METTL6: variants seen among roughly 807,000 people sequenced by gnomAD.
METTL6 encodes methyltransferase 6, tRNA N3-cytidine, also known as tRNA N(3)-cytidine methyltransferase METTL6.
METTL6 carries 22 observed loss-of-function variants against 26.4 expected under a neutral mutation model. The ratio of observed to expected loss-of-function variants is 0.83; its 90% CI spans 0.59 to 1.19. The LOEUF (loss-of-function observed/expected upper bound fraction) is 1.19, where lower values mean the gene tolerates loss of function less well. Ranked by LOEUF, METTL6 falls within the 50% of genes most tolerant of loss-of-function variation. The probability of loss-of-function intolerance (pLI) is 0.00; values close to 1 mark genes in which losing one functional copy is unlikely to be tolerated. For synonymous variants in METTL6, 109 were observed against 116.2 expected, an observed-to-expected ratio of 0.94 and a Z score of 0.40; for missense variants, 304 against 324.8, an observed-to-expected ratio of 0.94 and a Z score of 0.49.
chr3:15,395,721 C>T (rs1699469463), intron 6 of METTL6, among the ~76,000 whole-genome samples: 1 of 151,916 alleles, frequency 6.6e-6, no homozygotes, highest in South Asian at 2.1e-4. Context: ...TCAGCATTTG[C>T]TTGTCTGTAT....
At chr3:15,399,808 A>C (rs566618362) in intron 6 of METTL6, among the ~76,000 whole-genome samples, 3 of 152,202 alleles carry the variant, frequency 2.0e-5, no homozygotes, top group African/African-American at 7.2e-5. Context: ...GGGGCTCAGA[A>C]CACCACCCCA....
chr3:15,405,993 GTA>G (rs1340304451), downstream of METTL6, among the ~76,000 whole-genome samples: 1 of 151,790 alleles, frequency 6.6e-6, no homozygotes, highest in African/African-American at 2.4e-5. Flanking sequence ...ATTGTATGGA[GTA>G]TGTGTGTGTG....
rs549430920 is a variant in METTL6, at chr3:15,384,412, G to A, written c.*12-225C>T. On this transcript the variant is annotated intron_variant, in intron 6 of 6. Transcript: ENST00000443029. ...AAAACAGGAAATAAAGAAAAAAATA[G>A]AGAAAACGAGACTATGCAGAGAGAA... 1.7e-4 allele frequency: 32 copies of A among 183,018 alleles called. No individual in the cohort carries two copies. In the East Asian group the frequency reaches 5.4e-3, roughly 31 times the overall value. The allele number at this position is 183,018 out of a possible 1,614,324, so 11.3% of individuals were successfully genotyped here.
intron 6 of METTL6, among the ~76,000 whole-genome samples, chr3:15,391,831 C>G (rs9864920): frequency 6.6e-6 from 1 of 151,862 alleles, no homozygotes; most frequent in African/African-American, 2.4e-5. Flanking sequence ...CATGAACTCA[C>G]CATTTTTTAT....
At chr3:15,415,371 G>A in intron 4 of METTL6, 3 of 843,804 alleles carry the variant, frequency 3.6e-6, no homozygotes, top group Non-Finnish European at 5.6e-6. Flanking sequence ...TGGCCAGGCT[G>A]GTTTCAAACT....
At chr3:15,422,571 G>C (rs1186224716) in intron 3 of METTL6, among the ~76,000 whole-genome samples, 1 of 151,720 alleles carries the variant, frequency 6.6e-6, no homozygotes, top group Non-Finnish European at 1.5e-5. Context: ...GCTGCAGTGA[G>C]CTCTAATACA....
chr3:15,401,319 G>A (rs1232647119), intron 6 of METTL6, among the ~76,000 whole-genome samples: 2 of 151,726 alleles, frequency 1.3e-5, no homozygotes, highest in East Asian at 3.9e-4. Context: ...GATTACAGGC[G>A]TGAGCCACCG....
chr3:15,408,508 A>T (rs1312470509), downstream of METTL6, among the ~76,000 whole-genome samples: 1 of 149,910 alleles, frequency 6.7e-6, no homozygotes, highest in East Asian at 2.0e-4. Context: ...ATTCCAAATG[A>T]CTTCTGATAA....
At chr3:15,389,706 C>T (rs1170939332) in intron 6 of METTL6, among the ~76,000 whole-genome samples, 6 of 152,020 alleles carry the variant, frequency 3.9e-5, no homozygotes, top group African/African-American at 7.2e-5. Context: ...TGCGCCACCA[C>T]GCCCGGCTAA....
At chr3:15,423,212 A>G (rs929227548) in intron 3 of METTL6, among the ~76,000 whole-genome samples, 3 of 151,948 alleles carry the variant, frequency 2.0e-5, no homozygotes, top group African/African-American at 7.3e-5. Flanking sequence ...CGTGGCTAAC[A>G]TGGCGAAACC....
chr3:15,405,005 C>G (rs1408755034), downstream of METTL6, among the ~76,000 whole-genome samples: 2 of 152,182 alleles, frequency 1.3e-5, no homozygotes, highest in Non-Finnish European at 2.9e-5. Context: ...AATAGGGAAC[C>G]AAATGCTATC....
intron 3 of METTL6, among the ~76,000 whole-genome samples, 188 bp from the exon 4 acceptor site, chr3:15,416,130 A>G (rs368186749): frequency 4.6e-5 from 7 of 152,254 alleles, no homozygotes; most frequent in African/African-American, 1.7e-4. Context: ...TACAGGAGCA[A>G]GACTTCATTT....
At chr3:15,392,880 T>C (rs1023013122) in intron 6 of METTL6, among the ~76,000 whole-genome samples, 8 of 152,230 alleles carry the variant, frequency 5.3e-5, no homozygotes, top group Non-Finnish European at 8.8e-5. Context: ...ACCAGTACCA[T>C]GCTGTTTTGC....
At chr3:15,424,903 A>T in intron 3 of METTL6, 52 bp downstream of exon 3, 6 of 1,609,098 alleles carry the variant, frequency 3.7e-6, no homozygotes, top group Non-Finnish European at 5.1e-6. Context: ...CAGATCAAAC[A>T]AGATCGGCAA....
rs111844101 is a variant in METTL6, at chr3:15,397,267, G to A, written c.*12-13080C>T. Among the ~76,000 whole-genome samples the A allele has an allele frequency of 7.6e-3, 1,158 of 152,314 alleles. 23 individuals are homozygous for A. Among genetic ancestry groups the A allele is most frequent in the African/African-American group, 0.027 (1,110 of 41,562 alleles). On this transcript the variant is annotated intron_variant, in intron 6 of 6. Transcript: ENST00000443029. ...TAGCAATGAGCGAGGCTCCGTGGGC[G>A]TAGGACCCTCCGAGCCAGGCACGGG... is the stretch of plus-strand genomic sequence containing the variant.
At chr3:15,416,640 A>G (rs1187722524) in intron 3 of METTL6, among the ~76,000 whole-genome samples, 2 of 152,218 alleles carry the variant, frequency 1.3e-5, no homozygotes, top group East Asian at 3.9e-4. Flanking sequence ...CCTTGATGAG[A>G]TGCTCCCGCA....
At chr3:15,386,428 T>C (rs1342897761) in intron 6 of METTL6, among the ~76,000 whole-genome samples, 1 of 151,888 alleles carries the variant, frequency 6.6e-6, no homozygotes, top group African/African-American at 2.4e-5. Context: ...TATTAAAAAG[T>C]TTTAGAGCAG....
chr3:15,424,331 A>G (rs569792909), intron 3 of METTL6, among the ~76,000 whole-genome samples: 1 of 152,304 alleles, frequency 6.6e-6, no homozygotes, highest in East Asian at 1.9e-4. Flanking sequence ...CAGTGCTGCA[A>G]TCTTGGCTCA....
intron 6 of METTL6, among the ~76,000 whole-genome samples, chr3:15,396,664 T>C (rs542669583): frequency 1.1e-4 from 17 of 152,078 alleles, no homozygotes; most frequent in Non-Finnish European, 2.4e-4. Context: ...ACAGATGGGG[T>C]TTTGGTGTGG....
Sources: gnomAD v4.1 joint callset for allele counts (sites outside exome capture counted in the v4.1 genomes callset) on GRCh38, gnomAD v4.1.1 for gene constraint, MANE v1.5 for transcripts, NCBI Gene and HGNC (gene_info 2026-07-23, HGNC 2026-07-21) for gene names.